The following TF variants were observed in gnomAD, a reference collection of about 807,000 sequenced individuals.
The protein encoded by TF is serotransferrin.
Under a neutral mutation model 82.4 loss-of-function variants are expected in TF, and 55 were observed. That is an observed-to-expected ratio of 0.67 (90% CI 0.54 to 0.84). The LOEUF (loss-of-function observed/expected upper bound fraction) is 0.84. Among genes scored for constraint, TF ranks in the 40% least tolerant of loss-of-function variants. TF has a pLI of 0.00. For synonymous variants in TF, 332 were observed against 332.6 expected (o/e 1.00, Z 0.02); for missense variants, 737 against 868.4 (o/e 0.85, Z 1.90).
At chr3:133,764,128 G>A in intron 9 of TF, 54 bp from the exon 10 acceptor site, 1 of 1,511,280 alleles carries the variant, frequency 6.6e-7, no homozygotes, top group Non-Finnish European at 9.2e-7. Context: ...GGAAAAGTGG[G>A]TGGCACAGGA....
chr3:133,669,754 C>T, the TF span, among the ~76,000 whole-genome samples: 1 of 152,216 alleles, frequency 6.6e-6, no homozygotes, highest in Admixed American at 6.5e-5. Context: ...CAAATCACCA[C>T]GATTGCTGCC....
At chr3:133,666,829 G>T in the TF span, among the ~76,000 whole-genome samples, 1 of 152,158 alleles carries the variant, frequency 6.6e-6, no homozygotes, top group Admixed American at 6.5e-5. Flanking sequence ...GAGGTCAGAA[G>T]ATCGAGACCA....
rs1934531251 is a variant in TF at position 133,782,340 on chromosome 3, C to T, written c.*3720C>T. 6.6e-6 allele frequency: 1 copy of T among 152,130 alleles called. No homozygotes were observed. The allele number at this position is 152,130 out of a possible 1,614,324, so 9.4% of individuals were successfully genotyped here. On this transcript the variant is annotated 3_prime_UTR_variant, in exon 17 of 17. Coordinates refer to ENST00000402696, the MANE Select transcript of TF (RefSeq NM_001063.4). The stretch of plus-strand genomic sequence containing the variant: ...GCCACCTTGTAGAGATAAATGTGAT[C>T]CCACGTTCATTGCAGCATTGCAGCC...
chr3:133,723,400 T>G, the TF span, among the ~76,000 whole-genome samples: 1 of 151,632 alleles, frequency 6.6e-6, no homozygotes, highest in African/African-American at 2.4e-5. Flanking sequence ...TCATCTGATA[T>G]GTCTATAATG....
At chr3:133,677,434 C>T in the TF span, among the ~76,000 whole-genome samples, 2 of 152,088 alleles carry the variant, frequency 1.3e-5, no homozygotes, top group Non-Finnish European at 2.9e-5. Context: ...GTCAGGAGTT[C>T]AAGACCAGCC....
the TF span, among the ~76,000 whole-genome samples, chr3:133,727,314 A>C: frequency 9.3e-5 from 14 of 151,140 alleles, no homozygotes; most frequent in African/African-American, 2.9e-4. Context: ...GTCACTCAGG[A>C]CTTGCTTTAT....
In TF at chr3:133,748,493, G is replaced by T. The variant is rs41298293; in HGVS notation, c.125G>T (p.Arg42Leu). The change falls in exon 2 of 17, where the codon CGC (arginine) becomes CTC (leucine). Residue 42 changes from arginine to leucine, a missense_variant. Physicochemically the swap from Arg to Leu is moderately radical, Grantham distance 102 (BLOSUM62 -2). Transcript: ENST00000402696. ...EHEATKCQSF[R>L]DHMKSVIPSD... ...GAGGCCACTAAGTGCCAGAGTTTCC[G>T]CGACCATATGAAAAGCGTCATTCCA... 1,384 of 1,614,110 alleles carry T rather than the reference G, an allele frequency of 8.6e-4. 13 individuals carry two copies. Among genetic ancestry groups the T allele is most frequent in the Admixed American group, 8.0e-3 (483 of 60,014 alleles).
the TF span, among the ~76,000 whole-genome samples, chr3:133,664,246 C>T: frequency 6.6e-6 from 1 of 152,200 alleles, no homozygotes; most frequent in Admixed American, 6.5e-5. Context: ...AGGATTGATT[C>T]CAAGGCCCCC....
chr3:133,740,055 T>C, the TF span, among the ~76,000 whole-genome samples: 5 of 152,144 alleles, frequency 3.3e-5, no homozygotes, highest in African/African-American at 1.2e-4. Flanking sequence ...GTGGCACTAT[T>C]CACAATAGCA....
At chr3:133,726,204 A>G in the TF span, among the ~76,000 whole-genome samples, 1 of 152,014 alleles carries the variant, frequency 6.6e-6, no homozygotes, top group South Asian at 2.1e-4. Context: ...CTCTTTTTCT[A>G]TTGATTGGAA....
At chr3:133,746,746 G>T (rs536935734) in intron 1 of TF, among the ~76,000 whole-genome samples, 6 of 152,320 alleles carry the variant, frequency 3.9e-5, no homozygotes, top group Non-Finnish European at 7.3e-5. Flanking sequence ...ATCAGAGCAC[G>T]TCTAACCAGG....
chr3:133,778,680 T>C lies in TF; in HGVS notation c.*60T>C. 1 of 1,596,944 alleles carries C rather than the reference T, an allele frequency of 6.3e-7. No individual in the cohort carries two copies. The highest frequency in any genetic ancestry group is 1.7e-5 in the Admixed American group (1 of 59,266). The stretch of plus-strand genomic sequence containing the variant: ...TGGGAACGCAGATGATCCATGAGTT[T>C]GCCCTGGTTTCACTGGCCCAAGTGG... On this transcript the variant is annotated 3_prime_UTR_variant, in exon 17 of 17. Coordinates refer to ENST00000402696, the MANE Select transcript of TF (RefSeq NM_001063.4).
At chr3:133,705,672 C>T in the TF span, among the ~76,000 whole-genome samples, 1 of 152,166 alleles carries the variant, frequency 6.6e-6, no homozygotes, top group Non-Finnish European at 1.5e-5. Context: ...AAGCTCCTGA[C>T]TTTGGATGGA....
chr3:133,689,609 A>AACT, the TF span, among the ~76,000 whole-genome samples: 1 of 152,182 alleles, frequency 6.6e-6, no homozygotes, highest in East Asian at 1.9e-4. Flanking sequence ...GTAGCAGGGG[A>AACT]GTGGCTGAGT....
At chr3:133,733,376 C>G in the TF span, among the ~76,000 whole-genome samples, 1 of 152,172 alleles carries the variant, frequency 6.6e-6, no homozygotes, top group Non-Finnish European at 1.5e-5. Context: ...ACCTCCTTCC[C>G]ATCTTTGCCA....
At chr3:133,733,369 T>C in the TF span, among the ~76,000 whole-genome samples, 1 of 152,136 alleles carries the variant, frequency 6.6e-6, no homozygotes, top group African/African-American at 2.4e-5. Flanking sequence ...ACTACTAACC[T>C]CCTTCCCATC....
chr3:133,763,681 T>A (rs1376517321), intron 9 of TF, among the ~76,000 whole-genome samples: 1 of 152,218 alleles, frequency 6.6e-6, no homozygotes, highest in Non-Finnish European at 1.5e-5. Flanking sequence ...AGAGCTGAGA[T>A]TTAGAACATT....
upstream of TF, among the ~76,000 whole-genome samples, chr3:133,742,492 G>T (rs1933412000): frequency 6.6e-6 from 1 of 152,142 alleles, no homozygotes; most frequent in Admixed American, 6.6e-5. Flanking sequence ...GAGCGAGTGA[G>T]CAGTGGTGTC....
At chr3:133,756,460 G>A in intron 6 of TF, 123 bp downstream of exon 6, 1 of 1,167,268 alleles carries the variant, frequency 8.6e-7, no homozygotes, top group Middle Eastern at 1.9e-4. Flanking sequence ...ATCATTGCCT[G>A]GGTTTCCACC....
Sources: gnomAD v4.1 joint callset for allele counts (sites outside exome capture counted in the v4.1 genomes callset) on GRCh38, gnomAD v4.1.1 for gene constraint, MANE v1.5 for transcripts, NCBI Gene and HGNC (gene_info 2026-07-23, HGNC 2026-07-21) for gene names.